Variants in PYCR2 observed in about 807,000 individuals in gnomAD.
PYCR2 encodes pyrroline-5-carboxylate reductase 2.
A neutral mutation model predicts 23.4 loss-of-function variants in PYCR2; 17 were observed. The observed-to-expected ratio is 0.73, with a 90% CI of 0.50 to 1.09. The LOEUF (loss-of-function observed/expected upper bound fraction) is 1.09, where lower values mean the gene tolerates loss of function less well. Among genes scored for constraint, PYCR2 ranks in the 50% least tolerant of loss-of-function variants. PYCR2 has a pLI of 0.00. For synonymous variants in PYCR2, 172 were observed against 176.6 expected (o/e 0.97, Z 0.21); for missense variants, 380 against 423.5 (o/e 0.90, Z 0.90).
In PYCR2 at chr1:225,921,258, G is replaced by A; in HGVS notation, c.747C>T (p.Gly249=). The A allele has an allele frequency of 6.2e-7, 1 of 1,614,092 alleles. No individual in the cohort carries two copies. The highest frequency in any genetic ancestry group is 1.7e-5 in the Admixed American group (1 of 60,012). Residue 249 remains glycine (G), a synonymous_variant, in exon 6 of 7, where the codon GGC becomes GGT. Coordinates refer to ENST00000343818, the MANE Select transcript of PYCR2 (RefSeq NM_013328.4). This position sits in a 1 kb window ranked among gnomAD's most constrained non-coding sequence, Gnocchi z 4.2. ...IHALHFLESG[G]FRSLLINAVE... ...CTGCATTGATGAGCAGAGAGCGGAA[G>A]CCCCCACTCTCTAGAAAGTGCAGGG...
At chr1:225,923,060 T>C in intron 2 of PYCR2, 1 of 956,032 alleles carries the variant, frequency 1.0e-6, no homozygotes, top group Non-Finnish European at 1.2e-6. Flanking sequence ...GCCACTGTTG[T>C]AAATGAGGAA....
chr1:225,922,669 AG>A, intron 2 of PYCR2: 1 of 432,516 alleles, frequency 2.3e-6, no homozygotes, highest in Non-Finnish European at 4.2e-6. Flanking sequence ...CTCCTCTGCC[AG>A]GTAAGAAGGC....
chr1:225,923,510 T>A (rs1671906299), intron 2 of PYCR2, 191 bp downstream of exon 2: 2 of 1,430,470 alleles, frequency 1.4e-6, no homozygotes, highest in African/African-American at 2.9e-5. Context: ...CCCCCAGTTA[T>A]GTCTCCCTGG....
intron 2 of PYCR2, chr1:225,922,875 G>A (rs1418927631): frequency 3.7e-6 from 2 of 541,946 alleles, no homozygotes; most frequent in African/African-American, 2.1e-5. Context: ...CAGTGCTAGG[G>A]ACATCAGCCC....
chr1:225,924,021 G>T, intron 1 of PYCR2, 23 bp downstream of exon 1: 1 of 1,535,290 alleles, frequency 6.5e-7, no homozygotes. Flanking sequence ...CCGCGAAGCC[G>T]CCTCCCGCCT....
In PYCR2 at chr1:225,922,044, A is replaced by T. The variant is rs765198658; in HGVS notation, c.354T>A (p.Ile118=). 6.2e-7 allele frequency: 1 copy of T among 1,614,180 alleles called. No individual in the cohort carries two copies. Among genetic ancestry groups the T allele is most frequent in the Non-Finnish European group, 8.5e-7 (1 of 1,180,018 alleles). ...CCACAGGTGTGTTGGTCATGCAGCG[A>T]ATCACTTTGGGGGCTGGCTGGAATG... ...LMAFQPAPKV[I]RCMTNTPVVV... Residue 118 remains isoleucine, a synonymous_variant, in exon 4 of 7, where the codon ATT becomes ATA. Transcript: ENST00000343818.
chr1:225,921,232 A>T lies in PYCR2; in HGVS notation c.773T>A (p.Val258Asp). ...GGFRSLLINA[V>D]EASCIRTREL... ...CCGTGTTCGGATACAGGAGGCCTCA[A>T]CTGCATTGATGAGCAGAGAGCGGAA... The change falls in exon 6 of 7, where the codon GTT becomes GAT. Residue 258 changes from valine (V) to aspartate (D), a missense_variant. Coordinates refer to ENST00000343818, the MANE Select transcript of PYCR2 (RefSeq NM_013328.4). The surrounding 1 kb of genome is among the most constrained non-coding windows in gnomAD (Gnocchi z 4.2). 1.2e-6 allele frequency: 2 copies of T among 1,614,014 alleles called. No homozygotes were observed. Among genetic ancestry groups the T allele is most frequent in the Non-Finnish European group, 1.7e-6 (2 of 1,179,940 alleles).
Position 225,921,722 on chromosome 1 carries a change from C to T in PYCR2, c.541-78G>A, listed in dbSNP as rs1671846070. 1.3e-6 allele frequency: 2 copies of T among 1,592,036 alleles called. No individual in the cohort carries two copies. Among genetic ancestry groups the T allele is most frequent in the Non-Finnish European group, 1.7e-6 (2 of 1,160,876 alleles). On this transcript the variant is annotated intron_variant, in intron 4 of 6. Transcript: ENST00000343818. The surrounding 1 kb of genome is among the most constrained non-coding windows in gnomAD (Gnocchi z 4.2). The stretch of plus-strand genomic sequence containing the variant: ...TAGGTCTGCTTTCTGATGACTAGAA[C>T]TAGCTCCAAGGGTCAGCATCCTGTA...
rs1671801664 is a variant in PYCR2 at position 225,920,302 on chromosome 1, G to C, written c.*153C>G. 4.5e-6 allele frequency: 3 copies of C among 660,240 alleles called. No individual in the cohort carries two copies. The highest frequency in any genetic ancestry group is 7.2e-5 in the Admixed American group (2 of 27,748). 40.9% of individuals were successfully genotyped at this position (660,240 alleles called of 1,614,324 possible). ...ATTGCTTGGTCTGAACAGATTTAAG[G>C]AGGTTTTATCACAAGGACCTGAAAA... On this transcript the variant is annotated 3_prime_UTR_variant, in exon 7 of 7. Coordinates refer to ENST00000343818, the MANE Select transcript of PYCR2 (RefSeq NM_013328.4).
In PYCR2 at chr1:225,921,485, G is replaced by A; in HGVS notation, c.633+67C>T. The A allele has an allele frequency of 6.3e-7, 1 of 1,592,036 alleles. No individual in the cohort carries two copies. The highest frequency in any genetic ancestry group is 8.6e-7 in the Non-Finnish European group (1 of 1,161,028). ...AGCTTCCCAACCAACTCCCACCTCA[G>A]TTCAGTGATGCACAAGAACCCCCAT... On this transcript the variant is annotated intron_variant, in intron 5 of 6. Transcript: ENST00000343818. This position sits in a 1 kb window ranked among gnomAD's most constrained non-coding sequence, Gnocchi z 4.2.
In PYCR2 at chr1:225,921,478, C is replaced by T; in HGVS notation, c.633+74G>A. 1 of 1,583,360 alleles carries T rather than the reference C, an allele frequency of 6.3e-7. No individual in the cohort carries two copies. The highest frequency in any genetic ancestry group is 8.7e-7 in the Non-Finnish European group (1 of 1,153,922). ...CTACCCCAGCTTCCCAACCAACTCC[C>T]ACCTCAGTTCAGTGATGCACAAGAA... is the stretch of plus-strand genomic sequence containing the variant. On this transcript the variant is annotated intron_variant, in intron 5 of 6. Transcript: ENST00000343818. The surrounding 1 kb of genome is among the most constrained non-coding windows in gnomAD (Gnocchi z 4.2).
At chr1:225,922,670 G>C in intron 2 of PYCR2, 1 of 429,530 alleles carries the variant, frequency 2.3e-6, no homozygotes, top group South Asian at 3.1e-5. Flanking sequence ...TCCTCTGCCA[G>C]GTAAGAAGGC....
Position 225,921,891 on chromosome 1 carries a change from G to A in PYCR2, c.507C>T (p.Ala169=), listed in dbSNP as rs749262213. ...GCCCGCTGCCACTGAGCCCCGTGACGGCATCGATGAGGTCCTCTTCCACCT... is the reference window on the plus strand; with the variant it reads ...GCCCGCTGCCACTGAGCCCCGTGACAGCATCGATGAGGTCCTCTTCCACCT... ...CTEVEEDLID[A]VTGLSGSGPA... The change falls in exon 4 of 7, where the codon GCC becomes GCT. Residue 169 remains alanine, a synonymous_variant. Transcript: ENST00000343818. This position sits in a 1 kb window ranked among gnomAD's most constrained non-coding sequence, Gnocchi z 4.2. 6.7e-5 allele frequency: 108 copies of A among 1,613,172 alleles called. No homozygotes were observed. The highest frequency in any genetic ancestry group is 4.2e-4 in the South Asian group (38 of 91,052).
Position 225,922,290 on chromosome 1 carries a change from T to C in PYCR2, c.232A>G (p.Ile78Val). 1 of 1,614,144 alleles carries C rather than the reference T, an allele frequency of 6.2e-7. No individual in the cohort carries two copies. The highest frequency in any genetic ancestry group is 8.5e-7 in the Non-Finnish European group (1 of 1,180,004). The change falls in exon 3 of 7, where the codon ATC becomes GTC. Residue 78 changes from isoleucine to valine, a missense_variant. By Grantham distance (29) the Ile-to-Val change is conservative. Transcript: ENST00000343818. ...LAVKPHIIPF[I>V]LDEIGADVQA... ...ACGTCGGCCCCAATCTCATCCAGGATGAAGGGGATGATATGTGGCTTCACA... is the reference window on the plus strand; with the variant it reads ...ACGTCGGCCCCAATCTCATCCAGGACGAAGGGGATGATATGTGGCTTCACA...
Position 225,920,355 on chromosome 1 carries a change from A to T in PYCR2, c.*100T>A. 8.8e-7 allele frequency: 1 copy of T among 1,139,752 alleles called. No individual in the cohort carries two copies. The highest frequency in any genetic ancestry group is 1.2e-6 in the Non-Finnish European group (1 of 854,642). The allele number at this position is 1,139,752 out of a possible 1,614,324, so 70.6% of individuals were successfully genotyped here. ...TCCTAAGCATGCTTTCTCCTTGCACAGCTGAGGAGGGGCAATGGTGGGAGC... is the reference window on the plus strand; with the variant it reads ...TCCTAAGCATGCTTTCTCCTTGCACTGCTGAGGAGGGGCAATGGTGGGAGC... On this transcript the variant is annotated 3_prime_UTR_variant, in exon 7 of 7. Coordinates refer to ENST00000343818, the MANE Select transcript of PYCR2 (RefSeq NM_013328.4).
chr1:225,920,920 T>G (rs953662448), intron 6 of PYCR2, among the ~76,000 whole-genome samples: 1 of 152,224 alleles, frequency 6.6e-6, no homozygotes, highest in Non-Finnish European at 1.5e-5. Context: ...CCTGTCTCCA[T>G]CACTTTTTAA....
Position 225,921,548 on chromosome 1 carries a change from T to C in PYCR2, c.633+4A>G, listed in dbSNP as rs762547428. On this transcript the variant is annotated splice_donor_region_variant and intron_variant, in intron 5 of 6. Coordinates refer to ENST00000343818, the MANE Select transcript of PYCR2 (RefSeq NM_013328.4). The surrounding 1 kb of genome is among the most constrained non-coding windows in gnomAD (Gnocchi z 4.2). ...TCCTGAACATGCGGGGGAAAGATAC[T>C]GACCAGCAAAGCCTGGGCCCCGAGT... 2 of 1,614,018 alleles carry C rather than the reference T, an allele frequency of 1.2e-6. No individual in the cohort carries two copies. The highest frequency in any genetic ancestry group is 2.7e-5 in the African/African-American group (2 of 74,932).
In PYCR2 at chr1:225,921,964, T is replaced by A; in HGVS notation, c.434A>T (p.Asp145Val). Residue 145 changes from aspartate to valine, a missense_variant, in exon 4 of 7, where the codon GAT (aspartate) becomes GTT (valine). Coordinates refer to ENST00000343818, the MANE Select transcript of PYCR2 (RefSeq NM_013328.4). This position sits in a 1 kb window ranked among gnomAD's most constrained non-coding sequence, Gnocchi z 4.2. ...YATGTHALVEDGQLLEQLMSS... is the reference protein window; with the variant it reads ...YATGTHALVEVGQLLEQLMSS... ...CATGAGCTGCTCCAGGAGCTGCCCA[T>A]CCTCCACCAGGGCATGGGTGCCCGT... is the stretch of plus-strand genomic sequence containing the variant. The A allele has an allele frequency of 6.2e-7, 1 of 1,614,124 alleles. No individual in the cohort carries two copies. Among genetic ancestry groups the A allele is most frequent in the Non-Finnish European group, 8.5e-7 (1 of 1,180,006 alleles).
chr1:225,923,747 A>T lies in PYCR2; in HGVS notation c.92T>A (p.Ile31Lys), dbSNP rs1337319948. ...CAGGTTCATTTCTGGGGAGCTGGCTATTATCTTGTGAGCCGACAGGATGCC... is the reference window on the plus strand; with the variant it reads ...CAGGTTCATTTCTGGGGAGCTGGCTTTTATCTTGTGAGCCGACAGGATGCC... ...AAGILSAHKI[I>K]ASSPEMNLPT... Residue 31 changes from isoleucine (I) to lysine (K), a missense_variant, in exon 2 of 7, where the codon ATA becomes AAA. Ile to Lys is a moderately radical substitution (Grantham distance 102, BLOSUM62 -3). Transcript: ENST00000343818. 1 of 1,614,060 alleles carries T rather than the reference A, an allele frequency of 6.2e-7. No homozygotes were observed. The highest frequency in any genetic ancestry group is 8.5e-7 in the Non-Finnish European group (1 of 1,179,984).
Sources: allele counts gnomAD v4.1 joint callset (sites outside exome capture counted in the v4.1 genomes callset), GRCh38; gene constraint gnomAD v4.1.1; non-coding constraint Gnocchi (gnomAD v3.1); transcripts MANE v1.5; gene names NCBI Gene and HGNC (gene_info 2026-07-23, HGNC 2026-07-21).